The following EFCAB11 variants were observed in gnomAD, a reference collection of about 807,000 sequenced individuals.
EFCAB11 encodes EF-hand calcium binding domain 11.
A neutral mutation model predicts 23.0 loss-of-function variants in EFCAB11; 14 were observed. The observed-to-expected ratio is 0.61, with a 90% CI of 0.40 to 0.95. The LOEUF (loss-of-function observed/expected upper bound fraction) is 0.95, where lower values mean the gene tolerates loss of function less well. Ranked by LOEUF, EFCAB11 falls within the 40% of genes least tolerant of loss-of-function variation. EFCAB11 has a pLI of 0.00. For missense variants in EFCAB11, 198 were observed against 195.8 expected, an observed-to-expected ratio of 1.01 and a Z score of -0.07; for synonymous variants, 65 against 66.6, an observed-to-expected ratio of 0.98 and a Z score of 0.11.
At chr14:89,904,258 G>A (rs1482399337) in intron 5 of EFCAB11, among the ~76,000 whole-genome samples, 2 of 152,078 alleles carry the variant, frequency 1.3e-5, no homozygotes, top group Non-Finnish European at 2.9e-5. Context: ...AGTTTGCTTA[G>A]AATGATGGTT....
intron 5 of EFCAB11, among the ~76,000 whole-genome samples, chr14:89,893,872 T>C (rs1186284085): frequency 6.6e-6 from 1 of 151,816 alleles, no homozygotes; most frequent in Non-Finnish European, 1.5e-5. Flanking sequence ...ATTAAAACTA[T>C]ACATACATAT....
At chr14:89,932,490 A>AT (rs3833988) in intron 4 of EFCAB11, 36 bp downstream of exon 4, 217,293 of 1,545,326 alleles carry the variant, frequency 0.14, 18,248 homozygotes, top group Admixed American at 0.32. Flanking sequence ...CTTAAAAGTA[A>AT]TTTTTTTTAC....
rs1324214168 is a variant in EFCAB11 at position 89,890,376 on chromosome 14, T to C, written c.410+41165A>G. 2.6e-5 allele frequency among the ~76,000 whole-genome samples: 4 copies of C among 152,198 alleles called. 1 individual carries two copies. The highest frequency in any genetic ancestry group is 9.6e-5 in the African/African-American group (4 of 41,466). ...ATATTCTTTAAACAGCAATAGAAGA[T>C]AAAGTAAAGCTAAAATGCCAGAATT... On this transcript the variant is annotated intron_variant, in intron 5 of 5. Transcript: ENST00000316738.
intron 5 of EFCAB11, among the ~76,000 whole-genome samples, chr14:89,806,946 C>T (rs908649777): frequency 6.6e-6 from 1 of 151,990 alleles, no homozygotes; most frequent in Non-Finnish European, 1.5e-5. Context: ...CCTTTGACCC[C>T]GTGGACATTT....
chr14:89,909,633 G>A (rs1323788088), intron 5 of EFCAB11, among the ~76,000 whole-genome samples: 4 of 132,250 alleles, frequency 3.0e-5, no homozygotes, highest in Admixed American at 7.2e-5. Flanking sequence ...CCTACATTTC[G>A]ATGGCTTCCC....
intron 3 of EFCAB11, among the ~76,000 whole-genome samples, chr14:89,949,889 C>G (rs903945797): frequency 6.6e-6 from 1 of 151,918 alleles, no homozygotes; most frequent in Non-Finnish European, 1.5e-5. Flanking sequence ...GCAGGGAAGC[C>G]CCCCCTTATA....
chr14:89,841,100 T>G lies in EFCAB11; in HGVS notation c.411-43776A>C, dbSNP rs149037028. ...ATCTAAATTCCTACTACTTTCCTCCTCCTGAACCTTTCCACTGAGTACCAT... is the reference window on the plus strand; with the variant it reads ...ATCTAAATTCCTACTACTTTCCTCCGCCTGAACCTTTCCACTGAGTACCAT... On this transcript the variant is annotated intron_variant, in intron 5 of 5. Transcript: ENST00000316738. Among the ~76,000 whole-genome samples the G allele has an allele frequency of 2.6e-3, 397 of 152,282 alleles. 1 individual carries two copies. Among genetic ancestry groups the G allele is most frequent in the African/African-American group, 9.1e-3 (380 of 41,564 alleles).
intron 5 of EFCAB11, among the ~76,000 whole-genome samples, chr14:89,842,623 A>G (rs1000462714): frequency 6.6e-6 from 1 of 151,426 alleles, no homozygotes; most frequent in Admixed American, 6.6e-5. Flanking sequence ...ATATGATATG[A>G]TATGATATGA....
intron 5 of EFCAB11, among the ~76,000 whole-genome samples, chr14:89,838,493 A>C (rs1887154880): frequency 6.6e-6 from 1 of 151,896 alleles, no homozygotes; most frequent in African/African-American, 2.4e-5. Flanking sequence ...AAAACACAGA[A>C]GACACAAGGG....
At chr14:89,857,347 C>T (rs1020563618) in intron 5 of EFCAB11, among the ~76,000 whole-genome samples, 8 of 152,134 alleles carry the variant, frequency 5.3e-5, no homozygotes, top group African/African-American at 9.7e-5. Context: ...ATAATCATGA[C>T]GCACGAAGAC....
Position 89,797,170 on chromosome 14 carries a change from A to T in EFCAB11, c.*73T>A. The T allele has an allele frequency of 1.4e-6, 2 of 1,387,800 alleles. No homozygotes were observed. The highest frequency in any genetic ancestry group is 2.0e-6 in the Non-Finnish European group (2 of 994,628). 86.0% of individuals were successfully genotyped at this position (1,387,800 alleles called of 1,614,324 possible). A position where few individuals can be genotyped will look rare whatever the true frequency, so the allele number is the denominator to read the frequency against. Reference sequence around the variant, plus strand: ...AATCACAAGTCTGTAGCATGACATCATTAGTAGAGTCGAGTCTGCTGACAT... The same window carrying T: ...AATCACAAGTCTGTAGCATGACATCTTTAGTAGAGTCGAGTCTGCTGACAT... On this transcript the variant is annotated 3_prime_UTR_variant, in exon 6 of 6. Coordinates refer to ENST00000316738, the MANE Select transcript of EFCAB11 (RefSeq NM_145231.4).
At chr14:89,932,886 C>T (rs1943875912) in intron 3 of EFCAB11, among the ~76,000 whole-genome samples, 1 of 152,104 alleles carries the variant, frequency 6.6e-6, no homozygotes, top group Non-Finnish European at 1.5e-5. Context: ...GAGCTTTTTC[C>T]AGGGGTAAAG....
At chr14:89,911,996 A>G (rs751390371) in intron 5 of EFCAB11, among the ~76,000 whole-genome samples, 1 of 152,218 alleles carries the variant, frequency 6.6e-6, no homozygotes, top group Non-Finnish European at 1.5e-5. Context: ...AAGCTGAGAT[A>G]CTTTTCAAAG....
At chr14:89,815,569 G>A (rs1395236492) in intron 5 of EFCAB11, among the ~76,000 whole-genome samples, 1 of 152,072 alleles carries the variant, frequency 6.6e-6, no homozygotes, top group African/African-American at 2.4e-5. Flanking sequence ...TGGGATTACA[G>A]GCGCGCGCCA....
intron 5 of EFCAB11, among the ~76,000 whole-genome samples, chr14:89,811,237 C>T (rs1566767196): frequency 1.3e-5 from 2 of 152,034 alleles, no homozygotes; most frequent in Admixed American, 6.5e-5. Context: ...AGCATGGAGC[C>T]AAATGAGGCT....
intron 5 of EFCAB11, among the ~76,000 whole-genome samples, chr14:89,920,161 C>T (rs926701052): frequency 2.6e-5 from 4 of 152,198 alleles, no homozygotes; most frequent in African/African-American, 9.6e-5. Flanking sequence ...CCTATCAGAG[C>T]AATCTGAACT....
intron 5 of EFCAB11, among the ~76,000 whole-genome samples, chr14:89,828,029 G>A (rs1886758967): frequency 6.6e-6 from 1 of 152,154 alleles, no homozygotes. Flanking sequence ...GCACCTGGAA[G>A]AGTTATCTGG....
chr14:89,871,548 C>T (rs1888269280), intron 5 of EFCAB11, among the ~76,000 whole-genome samples: 1 of 152,146 alleles, frequency 6.6e-6, no homozygotes, highest in African/African-American at 2.4e-5. Context: ...CCAACTCCTC[C>T]TTATAAACAG....
intron 5 of EFCAB11, among the ~76,000 whole-genome samples, chr14:89,891,832 G>T (rs368489259): frequency 6.6e-6 from 1 of 152,034 alleles, no homozygotes; most frequent in East Asian, 1.9e-4. Context: ...TTCGGGTCGC[G>T]CTGCTGGGGG....
Sources: gnomAD v4.1 joint callset for allele counts (sites outside exome capture counted in the v4.1 genomes callset) on GRCh38, gnomAD v4.1.1 for gene constraint, MANE v1.5 for transcripts, NCBI Gene and HGNC (gene_info 2026-07-23, HGNC 2026-07-21) for gene names.